ALDH1A2: variants seen among roughly 807,000 people sequenced by gnomAD.
ALDH1A2 encodes retinal dehydrogenase 2.
In ALDH1A2, 27 loss-of-function variants were observed where a neutral mutation model predicts 60.3. The observed-to-expected ratio is 0.45, with a 90% CI of 0.33 to 0.62. The LOEUF is 0.62. Among genes scored for constraint, ALDH1A2 ranks in the 20% least tolerant of loss-of-function variants. The probability of loss-of-function intolerance (pLI) is 0.02; values close to 1 mark genes in which losing one functional copy is unlikely to be tolerated. For synonymous variants in ALDH1A2, 289 were observed against 232.4 expected (o/e 1.24, Z -2.21); for missense variants, 581 against 643.8 (o/e 0.90, Z 1.06).
chr15:57,980,301 T>C (rs1314742889), intron 7 of ALDH1A2: 1 of 415,416 alleles, frequency 2.4e-6, no homozygotes, highest in Non-Finnish European at 4.9e-6. Flanking sequence ...TGCCTCATGT[T>C]CCCACTCTCA....
chr15:58,024,273 T>G (rs1293575138), intron 1 of ALDH1A2, among the ~76,000 whole-genome samples: 1 of 151,428 alleles, frequency 6.6e-6, no homozygotes, highest in African/African-American at 2.4e-5. Flanking sequence ...AGAAAAGAGA[T>G]ATAATGGCTG....
chr15:58,019,812 TTTA>T (rs1306664015), intron 1 of ALDH1A2, among the ~76,000 whole-genome samples: 2 of 152,136 alleles, frequency 1.3e-5, no homozygotes, highest in Non-Finnish European at 2.9e-5. Context: ...CACTTTCTTT[TTTA>T]TTATTATTTT....
At chr15:58,065,180 C>T in intron 1 of ALDH1A2, 1 of 305,244 alleles carries the variant, frequency 3.3e-6, no homozygotes, top group Non-Finnish European at 6.3e-6. Context: ...ACGGGGAACC[C>T]CGGCCTCCAT....
intron 1 of ALDH1A2, among the ~76,000 whole-genome samples, chr15:58,036,149 A>G (rs993644499): frequency 2.0e-5 from 3 of 151,742 alleles, no homozygotes; most frequent in Non-Finnish European, 4.4e-5. Context: ...TTTTTAGATG[A>G]CATTATTGTC....
intron 1 of ALDH1A2, among the ~76,000 whole-genome samples, chr15:58,058,807 G>GTA (rs1219506150): frequency 2.0e-5 from 3 of 152,292 alleles, no homozygotes; most frequent in Admixed American, 6.5e-5. Flanking sequence ...CTGAACTGGA[G>GTA]TAAAAGAAAG....
chr15:57,980,116 G>C, intron 7 of ALDH1A2: 1 of 298,724 alleles, frequency 3.3e-6, no homozygotes, highest in Non-Finnish European at 7.0e-6. Context: ...TGCCCAACTG[G>C]CTGGTACATT....
rs956526848 is a variant in ALDH1A2 at position 58,052,635 on chromosome 15, A to G, written c.117+12899T>C. Among the ~76,000 whole-genome samples the G allele has an allele frequency of 1.9e-4, 29 of 152,096 alleles. 1 individual carries two copies. The highest frequency in any genetic ancestry group is 3.1e-4 in the Non-Finnish European group (21 of 68,004). ...TTCCAGGTCCCATTATAGAATAGAT[A>G]ATAAATGATCAAGTTATTTTGTTCA... On this transcript the variant is annotated intron_variant, in intron 1 of 12. Transcript: ENST00000249750.
intron 12 of ALDH1A2, among the ~76,000 whole-genome samples, chr15:57,958,989 T>C (rs1386978783): frequency 1.3e-5 from 2 of 152,046 alleles, no homozygotes; most frequent in African/African-American, 4.8e-5. Flanking sequence ...TTATATGAGG[T>C]TCAGATAGAG....
intron 5 of ALDH1A2, among the ~76,000 whole-genome samples, chr15:57,993,957 T>C (rs1894972462): frequency 6.6e-6 from 1 of 152,218 alleles, no homozygotes; most frequent in Non-Finnish European, 1.5e-5. Context: ...AAACACCCAA[T>C]TTCTTTTCCC....
At chr15:58,052,640 A>G (rs1896804886) in intron 1 of ALDH1A2, among the ~76,000 whole-genome samples, 1 of 152,128 alleles carries the variant, frequency 6.6e-6, no homozygotes, top group Non-Finnish European at 1.5e-5. Flanking sequence ...TAGATAATAA[A>G]TGATCAAGTT....
At chr15:57,958,312 T>G (rs1252544129) in intron 12 of ALDH1A2, among the ~76,000 whole-genome samples, 550 of 152,352 alleles carry the variant, frequency 3.6e-3, no homozygotes, top group African/African-American at 0.013. Context: ...ATGCTGAGGT[T>G]CACAGAATTC....
chr15:58,024,830 T>C (rs1416840087), intron 1 of ALDH1A2, among the ~76,000 whole-genome samples: 2 of 152,094 alleles, frequency 1.3e-5, no homozygotes, highest in Non-Finnish European at 2.9e-5. Context: ...AAAAATCATA[T>C]CAAGTATCTC....
chr15:58,041,962 T>C (rs1198225029), intron 1 of ALDH1A2, among the ~76,000 whole-genome samples: 1 of 151,888 alleles, frequency 6.6e-6, no homozygotes, highest in Non-Finnish European at 1.5e-5. Flanking sequence ...TCTCTCAAAA[T>C]ATCTTACCAT....
intron 1 of ALDH1A2, among the ~76,000 whole-genome samples, chr15:58,015,532 G>A (rs372814698): frequency 1.3e-3 from 203 of 152,260 alleles, no homozygotes; most frequent in African/African-American, 4.7e-3. Flanking sequence ...ATAATACACA[G>A]TTCATAAACA....
At chr15:58,014,593 C>T (rs1895736571) in intron 1 of ALDH1A2, 2 of 469,442 alleles carry the variant, frequency 4.3e-6, no homozygotes, top group Non-Finnish European at 8.5e-6. Context: ...CAAGAGTTAT[C>T]GATAGCCCAA....
intron 8 of ALDH1A2, 72 bp from the exon 9 acceptor site, chr15:57,964,141 C>CCCTCT: frequency 6.5e-7 from 1 of 1,542,236 alleles, no homozygotes; most frequent in Non-Finnish European, 8.9e-7. Flanking sequence ...CGCCTCCCTC[C>CCCTCT]CCTCTCCAAA....
At chr15:57,972,314 G>C (rs1265598355) in intron 7 of ALDH1A2, among the ~76,000 whole-genome samples, 2 of 152,124 alleles carry the variant, frequency 1.3e-5, no homozygotes, top group African/African-American at 4.8e-5. Context: ...GCTGTGAGTA[G>C]CATTTTGACA....
rs766678904 is a variant in ALDH1A2 at position 57,995,156 on chromosome 15, T to C, written c.494-17A>G. ...AGTCTCCATCTGAAAGAAAAAAGCA[T>C]GGTCACTCCCAGAAAGTTTAGATTA... On this transcript the variant is annotated splice_polypyrimidine_tract_variant and intron_variant, in intron 4 of 12. Transcript: ENST00000249750. 9 of 1,585,290 alleles carry C rather than the reference T, an allele frequency of 5.7e-6. No individual in the cohort carries two copies. Among genetic ancestry groups the C allele is most frequent in the Non-Finnish European group, 7.7e-6 (9 of 1,167,194 alleles).
chr15:57,978,332 T>C lies in ALDH1A2; in HGVS notation c.799-12505A>G, dbSNP rs189382541. Among the ~76,000 whole-genome samples, 468 of 152,330 alleles carry C rather than the reference T, an allele frequency of 3.1e-3. 3 individuals carry two copies. Among genetic ancestry groups the C allele is most frequent in the African/African-American group, 0.011 (448 of 41,572 alleles). On this transcript the variant is annotated intron_variant, in intron 7 of 12. Transcript: ENST00000249750. ...CAGTACGATGTTGCCTGTGGGTTTG[T>C]CTTAAATAGCTCTAATTGAGATATG...
Sources: allele counts gnomAD v4.1 joint callset (sites outside exome capture counted in the v4.1 genomes callset), GRCh38; gene constraint gnomAD v4.1.1; transcripts MANE v1.5; gene names NCBI Gene and HGNC (gene_info 2026-07-23, HGNC 2026-07-21).